Variants in SPINK5 observed in about 807,000 individuals in gnomAD.
SPINK5 encodes serine protease inhibitor Kazal-type 5.
In SPINK5, 125 loss-of-function variants were observed where a neutral mutation model predicts 151.8. That is an observed-to-expected ratio of 0.82 (90% CI 0.71 to 0.96). SPINK5 has a LOEUF of 0.96. Among genes scored for constraint, SPINK5 ranks in the 40% least tolerant of loss-of-function variants. The pLI is 0.00. For synonymous variants in SPINK5, 374 were observed against 395.3 expected (o/e 0.95, Z 0.64); for missense variants, 1,194 against 1,291.9 (o/e 0.92, Z 1.16).
chr5:148,103,847 T>C (rs1438462692), intron 15 of SPINK5, among the ~76,000 whole-genome samples: 1 of 152,204 alleles, frequency 6.6e-6, no homozygotes, highest in Non-Finnish European at 1.5e-5. Flanking sequence ...ATTTTGTTGA[T>C]TGGGACACAT....
intron 30 of SPINK5, among the ~76,000 whole-genome samples, chr5:148,128,517 TTTAC>T (rs1490182414): frequency 4.0e-5 from 6 of 151,406 alleles, no homozygotes; most frequent in African/African-American, 1.5e-4. Context: ...GCATTATTTA[TTTAC>T]TTATTTATTT....
At chr5:148,132,756 T>C (rs1334776305) in intron 31 of SPINK5, among the ~76,000 whole-genome samples, 1 of 152,160 alleles carries the variant, frequency 6.6e-6, no homozygotes, top group African/African-American at 2.4e-5. Flanking sequence ...TTAGATAATA[T>C]GAAGAAAGTT....
intron 8 of SPINK5, among the ~76,000 whole-genome samples, chr5:148,093,888 T>G (rs1753382174): frequency 6.6e-6 from 1 of 152,012 alleles, no homozygotes; most frequent in African/African-American, 2.4e-5. Flanking sequence ...TTACTGTTTC[T>G]TAGTAATCCT....
chr5:148,064,182 C>T, intron 1 of SPINK5, 83 bp downstream of exon 1: 1 of 1,489,820 alleles, frequency 6.7e-7, no homozygotes, highest in Non-Finnish European at 9.3e-7. Context: ...CTACTCCTGC[C>T]AAAAAATGTT....
intron 18 of SPINK5, among the ~76,000 whole-genome samples, chr5:148,110,113 A>G (rs1753885151): frequency 6.6e-6 from 1 of 152,204 alleles, no homozygotes. Context: ...TCCTACAGTT[A>G]ACATCTTCAT....
At chr5:148,100,867 T>A (rs1240641979) in intron 13 of SPINK5, among the ~76,000 whole-genome samples, 1 of 152,132 alleles carries the variant, frequency 6.6e-6, no homozygotes, top group African/African-American at 2.4e-5. Context: ...TGAATAAAAG[T>A]GAGGCCAGTG....
rs192795489 is a variant in SPINK5, at chr5:148,132,892, G to A, written c.3096-905G>A. ...GGTTTTTAAGAATTAAGAAATTCCC[G>A]TTTAAGGAATAAATATAACTGTCCA... is the stretch of plus-strand genomic sequence containing the variant. On this transcript the variant is annotated intron_variant, in intron 31 of 32. Transcript: ENST00000256084. Among the ~76,000 whole-genome samples the A allele has an allele frequency of 3.9e-3, 597 of 152,140 alleles. 3 individuals carry two copies. The highest frequency in any genetic ancestry group is 6.3e-3 in the Non-Finnish European group (427 of 67,980).
intron 28 of SPINK5, 167 bp from the exon 29 acceptor site, chr5:148,125,556 G>A (rs1193591092): frequency 1.2e-6 from 2 of 1,613,842 alleles, no homozygotes; most frequent in African/African-American, 1.3e-5. Flanking sequence ...ATGAAGCGGA[G>A]GATGCAAAAT....
chr5:148,094,278 C>T (rs1753394173), intron 8 of SPINK5, 76 bp from the exon 9 acceptor site: 2 of 1,549,724 alleles, frequency 1.3e-6, no homozygotes, highest in Admixed American at 1.7e-5. Context: ...CTGCGCAATG[C>T]AGCAAAATCC....
Position 148,086,426 on chromosome 5 carries a change from A to G in SPINK5, c.304A>G (p.Lys102Glu), listed in dbSNP as rs753523025. ...GCAGCTGAATTGTGATGATTTTAAA[A>G]AAGGAGAAAGAGATGGGGATTTTAT... ...PTELNCDDFK[K>E]GERDGDFICP... Residue 102 changes from lysine to glutamate, a missense_variant, in exon 5 of 33, where the codon AAA (lysine) becomes GAA (glutamate). Transcript: ENST00000256084. 5.0e-6 allele frequency: 8 copies of G among 1,611,328 alleles called. No homozygotes were observed. Among genetic ancestry groups the G allele is most frequent in the South Asian group, 1.1e-5 (1 of 91,026 alleles).
intron 9 of SPINK5, among the ~76,000 whole-genome samples, chr5:148,095,573 AG>A (rs1753433581): frequency 6.6e-6 from 1 of 152,044 alleles, no homozygotes; most frequent in Non-Finnish European, 1.5e-5. Context: ...TTCTTCAAAA[AG>A]GTAGAATTTA....
intron 20 of SPINK5, among the ~76,000 whole-genome samples, 199 bp from the exon 21 acceptor site, chr5:148,114,163 G>T (rs545117637): frequency 1.3e-5 from 2 of 152,030 alleles, no homozygotes; most frequent in South Asian, 2.1e-4. Flanking sequence ...TGGATTTTGG[G>T]GCTATCAAGG....
chr5:148,103,146 A>C (rs1444441889), intron 15 of SPINK5, among the ~76,000 whole-genome samples: 1 of 152,176 alleles, frequency 6.6e-6, no homozygotes, highest in African/African-American at 2.4e-5. Context: ...AGGAAAGTTG[A>C]GATCATGACC....
chr5:148,080,468 C>T (rs1468435366), intron 4 of SPINK5, among the ~76,000 whole-genome samples: 1 of 151,242 alleles, frequency 6.6e-6, no homozygotes, highest in East Asian at 2.0e-4. Context: ...CAATAGTGAT[C>T]ATAACAGCGT....
At chr5:148,107,724 T>TA (rs896797386) in intron 17 of SPINK5, among the ~76,000 whole-genome samples, 1 of 152,212 alleles carries the variant, frequency 6.6e-6, no homozygotes, top group African/African-American at 2.4e-5. Context: ...AAATGTTTAC[T>TA]AAAATGTCTC....
chr5:148,086,518 G>A lies in SPINK5; in HGVS notation c.396G>A (p.Leu132=). 1 of 1,611,388 alleles carries A rather than the reference G, an allele frequency of 6.2e-7. No individual in the cohort carries two copies. The highest frequency in any genetic ancestry group is 8.5e-7 in the Non-Finnish European group (1 of 1,178,494). Residue 132 remains leucine (L), a synonymous_variant, in exon 5 of 33, where the codon CTG becomes CTA. Transcript: ENST00000256084. ...DGKTYDNRCA[L]CAENAKTGSQ... is the part of the protein sequence containing the mutation. ...AAACATATGACAACAGATGTGCACT[G>A]TGTGCTGAGAATGCGTGAGTATTCT...
intron 2 of SPINK5, among the ~76,000 whole-genome samples, chr5:148,069,895 A>T (rs999654481): frequency 1.3e-5 from 2 of 152,078 alleles, no homozygotes. Flanking sequence ...CTAGGAACTG[A>T]TATGTTGCAG....
chr5:148,124,704 A>C, intron 27 of SPINK5, 61 bp from the exon 28 acceptor site: 1 of 1,357,898 alleles, frequency 7.4e-7, no homozygotes, highest in Non-Finnish European at 1.0e-6. Context: ...TACTTGGTTA[A>C]AGACAATTCA....
chr5:148,111,871 C>A lies in SPINK5; in HGVS notation c.1796C>A (p.Thr599Asn). The stretch of plus-strand genomic sequence containing the variant: ...CTAGATGGGAAAATCCACGGCAACA[C>A]CTGCTCCATGTGTGAAGCCTTCTTG... The part of the protein sequence containing the change: ...EGLDGKIHGN[T>N]CSMCEAFFQQ... Residue 599 changes from threonine (T) to asparagine (N), a missense_variant, in exon 19 of 33, where the codon ACC (threonine) becomes AAC (asparagine). Thr to Asn is a moderately conservative substitution (Grantham distance 65). Coordinates refer to ENST00000256084, the MANE Select transcript of SPINK5 (RefSeq NM_006846.4). The A allele has an allele frequency of 1.2e-6, 2 of 1,614,014 alleles. No homozygotes were observed. The highest frequency in any genetic ancestry group is 1.3e-5 in the African/African-American group (1 of 75,024).
Sources: gnomAD v4.1 joint callset for allele counts (sites outside exome capture counted in the v4.1 genomes callset) on GRCh38, gnomAD v4.1.1 for gene constraint, MANE v1.5 for transcripts, NCBI Gene and HGNC (gene_info 2026-07-23, HGNC 2026-07-21) for gene names.